KLHL14: variants seen among roughly 807,000 people sequenced by gnomAD.
The protein encoded by KLHL14 is kelch like family member 14, also known as kelch-like protein 14.
Under a neutral mutation model 64.3 loss-of-function variants are expected in KLHL14, and 22 were observed. That is an observed-to-expected ratio of 0.34 (90% CI 0.24 to 0.49). The LOEUF (loss-of-function observed/expected upper bound fraction) is 0.49, where lower values mean the gene tolerates loss of function less well. KLHL14 is among the 20% of genes least tolerant of loss of function. The pLI is 0.99. For synonymous variants in KLHL14, 322 were observed against 333.4 expected (o/e 0.97, Z 0.37); for missense variants, 661 against 789.0 (o/e 0.84, Z 1.94).
intron 3 of KLHL14, among the ~76,000 whole-genome samples, chr18:32,718,662 T>C: frequency 6.6e-6 from 1 of 152,232 alleles, no homozygotes; most frequent in East Asian, 1.9e-4. Flanking sequence ...TGGTGTCATA[T>C]ATTGTAATTT....
At chr18:32,759,522 A>G (rs927238168) in intron 2 of KLHL14, among the ~76,000 whole-genome samples, 1 of 152,186 alleles carries the variant, frequency 6.6e-6, no homozygotes, top group Non-Finnish European at 1.5e-5. Context: ...GCCCTAATGA[A>G]GTGGGTATTA....
At chr18:32,758,534 A>G (rs1239051442) in intron 2 of KLHL14, among the ~76,000 whole-genome samples, 1 of 152,184 alleles carries the variant, frequency 6.6e-6, no homozygotes, top group East Asian at 1.9e-4. Context: ...AAAAGGTTAA[A>G]TATTTGTTTA....
intron 2 of KLHL14, chr18:32,743,605 A>T (rs1454557541): frequency 6.6e-6 from 1 of 152,240 alleles, no homozygotes; most frequent in East Asian, 1.9e-4. Flanking sequence ...GATATAGTTG[A>T]GCCAAAAGGA....
At chr18:32,701,558 C>A (rs2049966455) in intron 3 of KLHL14, among the ~76,000 whole-genome samples, 1 of 152,070 alleles carries the variant, frequency 6.6e-6, no homozygotes. Context: ...CTTCATGAGC[C>A]AGAATAAGCA....
rs185350575 is a variant in KLHL14, at chr18:32,771,163, G to A, written c.-43-529C>T. The A allele has an allele frequency of 4.2e-5, 8 of 191,686 alleles. 1 individual carries two copies. The Middle Eastern group carries it at 2.1e-3, about 51-fold the overall frequency. 11.9% of individuals were successfully genotyped at this position (191,686 alleles called of 1,614,324 possible). On this transcript the variant is annotated intron_variant, in intron 1 of 8. Transcript: ENST00000359358. Reference sequence around the variant, plus strand: ...GCAGTTGGCCCAGTTTGGGGGAGGGGGTAGGAACAGGGGCCCGACCAGCGT... The same window carrying A: ...GCAGTTGGCCCAGTTTGGGGGAGGGAGTAGGAACAGGGGCCCGACCAGCGT...
At position 32,680,672 on chromosome 18, in the gene KLHL14, C is replaced by T; in HGVS notation, c.1239-73G>A. 7.0e-7 allele frequency: 1 copy of T among 1,424,004 alleles called. No homozygotes were observed. The highest frequency in any genetic ancestry group is 9.5e-7 in the Non-Finnish European group (1 of 1,051,736). 88.2% of individuals were successfully genotyped at this position (1,424,004 alleles called of 1,614,324 possible). The stretch of plus-strand genomic sequence containing the variant: ...GTTACCTTTCGAAATAAGATAAGCA[C>T]CACACAGCTAGTCAGGGAAAGGGGT... On this transcript the variant is annotated intron_variant, in intron 5 of 8. Transcript: ENST00000359358. The surrounding 1 kb of genome is among the most constrained non-coding windows in gnomAD (Gnocchi z 4.8).
At chr18:32,767,203 T>C (rs2050351334) in intron 2 of KLHL14, among the ~76,000 whole-genome samples, 1 of 152,226 alleles carries the variant, frequency 6.6e-6, no homozygotes, top group African/African-American at 2.4e-5. Flanking sequence ...CATTTTTATA[T>C]TACACTGATG....
At chr18:32,734,884 C>CTGTG (rs34494954) in intron 3 of KLHL14, among the ~76,000 whole-genome samples, 177 of 150,802 alleles carry the variant, frequency 1.2e-3, no homozygotes, top group Middle Eastern at 3.4e-3. Flanking sequence ...AGATGTTACT[C>CTGTG]TGTGTGTGTG....
chr18:32,720,629 G>A (rs763080007), intron 3 of KLHL14, among the ~76,000 whole-genome samples: 7 of 152,152 alleles, frequency 4.6e-5, no homozygotes, highest in Non-Finnish European at 8.8e-5. Flanking sequence ...TTCAGGATGC[G>A]AAGGGGGCTT....
intron 3 of KLHL14, among the ~76,000 whole-genome samples, chr18:32,739,669 CACAT>C (rs919450256): frequency 6.9e-6 from 1 of 145,644 alleles, no homozygotes; most frequent in African/African-American, 2.6e-5. Flanking sequence ...CACACACACA[CACAT>C]TTATTTCCTT....
intron 3 of KLHL14, among the ~76,000 whole-genome samples, chr18:32,739,808 G>A (rs2050186310): frequency 6.6e-6 from 1 of 152,090 alleles, no homozygotes; most frequent in African/African-American, 2.4e-5. Context: ...CTCGGGCAGT[G>A]GATTGAAGTG....
Position 32,709,487 on chromosome 18 carries a change from A to T in KLHL14, c.1070-13935T>A, listed in dbSNP as rs539114766. Reference sequence around the variant, plus strand: ...TTTAAAGACAGGGTCTCATTTTGTCACCCAAGCTAGAGTGCAGTGATGTGA... The same window carrying T: ...TTTAAAGACAGGGTCTCATTTTGTCTCCCAAGCTAGAGTGCAGTGATGTGA... On this transcript the variant is annotated intron_variant, in intron 3 of 8. Coordinates refer to ENST00000359358, the MANE Select transcript of KLHL14 (RefSeq NM_020805.3). Among the ~76,000 whole-genome samples, 5 of 151,202 alleles carry T rather than the reference A, an allele frequency of 3.3e-5. No individual in the cohort carries two copies. The East Asian group carries it at 9.7e-4, about 29-fold the overall frequency.
rs545114996 is a variant in KLHL14 at position 32,754,289 on chromosome 18, A to G, written c.948-12240T>C. On this transcript the variant is annotated intron_variant, in intron 2 of 8. Coordinates refer to ENST00000359358, the MANE Select transcript of KLHL14 (RefSeq NM_020805.3). ...ATGCTGCCTCCTGAGAGCCAGTCTC[A>G]TTACTGAGACTTCGTCCTGTCTTTT... Among the ~76,000 whole-genome samples, 6 of 152,326 alleles carry G rather than the reference A, an allele frequency of 3.9e-5. No homozygotes were observed. In the South Asian group the frequency reaches 1.2e-3, roughly 32 times the overall value.
Position 32,742,055 on chromosome 18 carries a change from C to T in KLHL14, c.948-6G>A, listed in dbSNP as rs1432499766. The stretch of plus-strand genomic sequence containing the variant: ...TTTTCTTGTTAGAGCGAATTCTTCA[C>T]CCAAAACAAAAGAGGAGATGAATAA... On this transcript the variant is annotated splice_region_variant and splice_polypyrimidine_tract_variant and intron_variant, in intron 2 of 8. Transcript: ENST00000359358. 1 of 1,611,854 alleles carries T rather than the reference C, an allele frequency of 6.2e-7. No homozygotes were observed. The highest frequency in any genetic ancestry group is 2.2e-5 in the East Asian group (1 of 44,858).
chr18:32,765,550 A>G (rs541847351), intron 2 of KLHL14, among the ~76,000 whole-genome samples: 1 of 152,350 alleles, frequency 6.6e-6, no homozygotes, highest in East Asian at 1.9e-4. Flanking sequence ...ACAAAATTTA[A>G]CTACCTAACA....
intron 4 of KLHL14, among the ~76,000 whole-genome samples, chr18:32,689,198 C>G (rs1302495635): frequency 7.9e-5 from 12 of 151,894 alleles, no homozygotes; most frequent in Admixed American, 7.9e-4. Context: ...TGGCTAAGTG[C>G]GGCTATGGGT....
intron 8 of KLHL14, among the ~76,000 whole-genome samples, chr18:32,675,129 G>A (rs2049805114): frequency 6.6e-6 from 1 of 152,078 alleles, no homozygotes; most frequent in South Asian, 2.1e-4. Flanking sequence ...TAGGGCGAGA[G>A]GATCACTTGA....
intron 2 of KLHL14, among the ~76,000 whole-genome samples, chr18:32,765,442 C>G (rs2050336975): frequency 6.6e-6 from 1 of 152,158 alleles, no homozygotes; most frequent in African/African-American, 2.4e-5. Flanking sequence ...TAGGATGTAA[C>G]TATTTGACTC....
chr18:32,723,910 G>A (rs1375018463), intron 3 of KLHL14, among the ~76,000 whole-genome samples: 3 of 152,104 alleles, frequency 2.0e-5, no homozygotes, highest in South Asian at 2.1e-4. Flanking sequence ...TTTTAATATG[G>A]CACTTTGTGG....
Sources: gnomAD v4.1 joint callset for allele counts (sites outside exome capture counted in the v4.1 genomes callset) on GRCh38, gnomAD v4.1.1 for gene constraint, Gnocchi (gnomAD v3.1) non-coding constraint, MANE v1.5 for transcripts, NCBI Gene and HGNC (gene_info 2026-07-23, HGNC 2026-07-21) for gene names.